CRYL1: variants seen among roughly 807,000 people sequenced by gnomAD.
The protein encoded by CRYL1 is crystallin lambda 1.
In CRYL1, 29 loss-of-function variants were observed where a neutral mutation model predicts 36.6. The observed-to-expected ratio is 0.79, with a 90% CI of 0.59 to 1.08. CRYL1 has a LOEUF of 1.08. Among genes scored for constraint, CRYL1 ranks in the 50% least tolerant of loss-of-function variants. The probability of loss-of-function intolerance (pLI) is 0.00; values close to 1 mark genes in which losing one functional copy is unlikely to be tolerated. For missense variants in CRYL1, 411 were observed against 407.9 expected (o/e 1.01, Z -0.06); for synonymous variants, 152 against 151.5 (o/e 1.00, Z -0.02).
At chr13:20,503,207 C>G (rs2033733936) in intron 2 of CRYL1, among the ~76,000 whole-genome samples, 1 of 152,182 alleles carries the variant, frequency 6.6e-6, no homozygotes, top group Non-Finnish European at 1.5e-5. Context: ...TTTGATCTGT[C>G]CTAATGACAG....
At chr13:20,441,232 G>A (rs554798875) in intron 3 of CRYL1, among the ~76,000 whole-genome samples, 53 of 152,226 alleles carry the variant, frequency 3.5e-4, no homozygotes, top group African/African-American at 1.2e-3. Flanking sequence ...TAGAATCAAC[G>A]GCGTGTCTTG....
intron 2 of CRYL1, among the ~76,000 whole-genome samples, chr13:20,501,356 C>T (rs962390489): frequency 3.9e-5 from 6 of 152,158 alleles, no homozygotes; most frequent in East Asian, 1.9e-4. Context: ...CAGTCTGGGC[C>T]GCTGAGCCAC....
At chr13:20,497,030 G>A (rs960125529) in intron 2 of CRYL1, among the ~76,000 whole-genome samples, 6 of 152,034 alleles carry the variant, frequency 3.9e-5, no homozygotes, top group Non-Finnish European at 8.8e-5. Flanking sequence ...AAAGCAAGTC[G>A]CAATAGCTCC....
Position 20,456,638 on chromosome 13 carries a change from A to ACACACACACACAC in CRYL1, c.277-16885_277-16884insGTGTGTGTGTGTG, listed in dbSNP as rs5802075. ...CACACACACACACACACACACACAC[A>ACACACACACACAC]AAGACCACGATTCTTAAAACACACA... is the stretch of plus-strand genomic sequence containing the variant. On this transcript the variant is annotated intron_variant, in intron 3 of 7. Transcript: ENST00000298248. Among the ~76,000 whole-genome samples the ACACACACACACAC allele has an allele frequency of 2.4e-3, 329 of 137,696 alleles. 2 individuals carry two copies. The highest frequency in any genetic ancestry group is 7.8e-3 in the East Asian group (38 of 4,866). The allele number at this position is 137,696 out of a possible 152,430, so 90.3% of individuals were successfully genotyped here.
At chr13:20,472,704 C>CT (rs1255587996) in intron 3 of CRYL1, among the ~76,000 whole-genome samples, 2 of 152,210 alleles carry the variant, frequency 1.3e-5, no homozygotes, top group Non-Finnish European at 2.9e-5. Context: ...CTGGGACTGG[C>CT]TCACTGGGGC....
At chr13:20,432,503 TA>T (rs750729099) in intron 4 of CRYL1, among the ~76,000 whole-genome samples, 13 of 151,450 alleles carry the variant, frequency 8.6e-5, no homozygotes, top group Admixed American at 2.0e-4. Flanking sequence ...TGGTTTTGTT[TA>T]AAAAAAAATA....
chr13:20,431,336 G>A lies in CRYL1; in HGVS notation c.633+766C>T, dbSNP rs1190043106. The A allele has an allele frequency of 1.3e-5, 13 of 985,288 alleles. No individual in the cohort carries two copies. In the South Asian group the frequency reaches 2.3e-4, roughly 18 times the overall value. The allele number at this position is 985,288 out of a possible 1,614,324, so 61.0% of individuals were successfully genotyped here. A position where few individuals can be genotyped will look rare whatever the true frequency, so the allele number is the denominator to read the frequency against. On this transcript the variant is annotated intron_variant, in intron 5 of 7. Coordinates refer to ENST00000298248, the MANE Select transcript of CRYL1 (RefSeq NM_015974.3). ...CTACGCGGTGCAGCTGGGTACTTCC[G>A]GCCCTTGAGCCTTCCACAATGTTTT... is the stretch of plus-strand genomic sequence containing the variant.
rs557074842 is a variant in CRYL1, at chr13:20,509,172, C to G, written c.149+3271G>C. 1.6e-3 allele frequency among the ~76,000 whole-genome samples: 221 copies of G among 136,530 alleles called. 3 individuals carry two copies. The highest frequency in any genetic ancestry group is 5.7e-3 in the African/African-American group (208 of 36,684). 89.6% of individuals were successfully genotyped at this position (136,530 alleles called of 152,430 possible). On this transcript the variant is annotated intron_variant, in intron 2 of 7. Transcript: ENST00000298248. ...TCGCGCCATTGCACTCCAGCCTGGG[C>G]AACAAGAGCAAAACTCAATCCCCAA...
chr13:20,443,971 G>A (rs1212600470), intron 3 of CRYL1, among the ~76,000 whole-genome samples: 1 of 152,158 alleles, frequency 6.6e-6, no homozygotes, highest in Non-Finnish European at 1.5e-5. Flanking sequence ...TATAAACTCT[G>A]TTAGCACTAG....
chr13:20,429,493 G>A (rs34885105), intron 5 of CRYL1, among the ~76,000 whole-genome samples: 2,122 of 152,144 alleles, frequency 0.014, 50 homozygotes, highest in African/African-American at 0.048. Context: ...CATGGAAACC[G>A]GCCACAGCAG....
At chr13:20,444,112 A>G (rs1484665805) in intron 3 of CRYL1, among the ~76,000 whole-genome samples, 1 of 152,228 alleles carries the variant, frequency 6.6e-6, no homozygotes, top group African/African-American at 2.4e-5. Flanking sequence ...GGTGGACACC[A>G]TAATTATTTA....
intron 3 of CRYL1, among the ~76,000 whole-genome samples, chr13:20,472,679 G>A (rs895090952): frequency 6.6e-6 from 1 of 152,196 alleles, no homozygotes; most frequent in Non-Finnish European, 1.5e-5. Flanking sequence ...AGGACAGCGC[G>A]TGGCCCTCTG....
intron 3 of CRYL1, among the ~76,000 whole-genome samples, chr13:20,475,920 T>A (rs757989994): frequency 9.8e-5 from 15 of 152,290 alleles, no homozygotes; most frequent in Non-Finnish European, 1.9e-4. Context: ...AAAGGAAGGC[T>A]GTGTAAGTGT....
chr13:20,460,227 C>T (rs2032778760), intron 3 of CRYL1, among the ~76,000 whole-genome samples: 1 of 152,086 alleles, frequency 6.6e-6, no homozygotes, highest in East Asian at 1.9e-4. Context: ...GTGATTTAAT[C>T]CTTGCACCAC....
chr13:20,497,222 C>T, intron 2 of CRYL1, among the ~76,000 whole-genome samples: 1 of 151,868 alleles, frequency 6.6e-6, no homozygotes. Context: ...AGATAGAGGA[C>T]ACCCTGAGAG....
chr13:20,517,662 C>A (rs1244270341), intron 1 of CRYL1, among the ~76,000 whole-genome samples: 1 of 151,684 alleles, frequency 6.6e-6, no homozygotes. Flanking sequence ...AGTGGCCGGG[C>A]GCAGTGGCTC....
At chr13:20,517,428 C>T (rs1281747228) in intron 1 of CRYL1, among the ~76,000 whole-genome samples, 1 of 151,708 alleles carries the variant, frequency 6.6e-6, no homozygotes, top group East Asian at 1.9e-4. Context: ...AACTCTGTCT[C>T]TACTGAAAAT....
chr13:20,519,973 A>G (rs1056034240), intron 1 of CRYL1, among the ~76,000 whole-genome samples: 1 of 152,228 alleles, frequency 6.6e-6, no homozygotes, highest in Non-Finnish European at 1.5e-5. Context: ...TTTAGATACT[A>G]TACATGCTGA....
At chr13:20,441,194 C>T (rs1158030981) in intron 3 of CRYL1, among the ~76,000 whole-genome samples, 1 of 152,188 alleles carries the variant, frequency 6.6e-6, no homozygotes, top group Admixed American at 6.5e-5. Context: ...AGGAGAATGA[C>T]TCTCAGTGTG....
Sources: gnomAD v4.1 joint callset for allele counts (sites outside exome capture counted in the v4.1 genomes callset) on GRCh38, gnomAD v4.1.1 for gene constraint, MANE v1.5 for transcripts, NCBI Gene and HGNC (gene_info 2026-07-23, HGNC 2026-07-21) for gene names.